Variants in BRDT observed in about 807,000 individuals in gnomAD.
BRDT encodes the protein bromodomain testis associated, also known as bromodomain testis-specific protein.
In BRDT, 77 loss-of-function variants were observed where a neutral mutation model predicts 113.9. The ratio of observed to expected loss-of-function variants is 0.68; its 90% CI spans 0.56 to 0.82. The LOEUF (loss-of-function observed/expected upper bound fraction) is 0.82. BRDT is among the 40% of genes least tolerant of loss of function. The pLI is 0.00. For missense variants in BRDT, 1,027 were observed against 1,105.4 expected (o/e 0.93, Z 1.01); for synonymous variants, 358 against 366.5 (o/e 0.98, Z 0.26).
Position 91,981,404 on chromosome 1 carries a change from T to TTGTATGTA in BRDT, c.1864+40_1864+47dup, listed in dbSNP as rs35241748. ...AATGTAGGTGGCAGTTTTTGTTTGT[T>TTGTATGTA]TGTATGTATGTATGTATGTATGTAG... On this transcript the variant is annotated intron_variant, in intron 11 of 18. Coordinates refer to ENST00000399546, the MANE Select transcript of BRDT (RefSeq NM_207189.4). The TTGTATGTA allele has an allele frequency of 2.7e-4, 397 of 1,490,866 alleles. 1 individual carries two copies. Among genetic ancestry groups the TTGTATGTA allele is most frequent in the African/African-American group, 8.2e-4 (60 of 72,968 alleles). 92.4% of individuals were successfully genotyped at this position (1,490,866 alleles called of 1,614,324 possible).
intron 4 of BRDT, among the ~76,000 whole-genome samples, chr1:91,971,108 G>C (rs1459178312): frequency 6.6e-6 from 1 of 151,952 alleles, no homozygotes; most frequent in African/African-American, 2.4e-5. Flanking sequence ...GGTGAGGTGG[G>C]GGTAGGGGAG....
chr1:91,952,746 C>T (rs1354016616), intron 1 of BRDT, among the ~76,000 whole-genome samples: 1 of 135,068 alleles, frequency 7.4e-6, no homozygotes, highest in East Asian at 2.3e-4. Context: ...GAGTTCAAGA[C>T]CAGCCTGGGT....
chr1:92,002,204 G>A, intron 16 of BRDT, 55 bp downstream of exon 16: 10 of 1,290,306 alleles, frequency 7.8e-6, no homozygotes, highest in African/African-American at 1.5e-5. Flanking sequence ...AATTGGGTTT[G>A]GAAGTGGTAC....
At chr1:91,955,177 T>C (rs1350754736) in intron 1 of BRDT, among the ~76,000 whole-genome samples, 2 of 152,104 alleles carry the variant, frequency 1.3e-5, no homozygotes, top group Non-Finnish European at 2.9e-5. Flanking sequence ...GAAAATTGTC[T>C]GGGTGCGGTG....
chr1:91,977,574 A>G (rs1006602054), intron 6 of BRDT, 181 bp downstream of exon 6: 7 of 529,684 alleles, frequency 1.3e-5, no homozygotes, highest in African/African-American at 1.2e-4. Context: ...CCACTTGAAC[A>G]TGTCCATGGT....
intron 2 of BRDT, among the ~76,000 whole-genome samples, chr1:91,963,671 T>C (rs1281887221): frequency 1.3e-5 from 2 of 152,170 alleles, no homozygotes; most frequent in African/African-American, 4.8e-5. Flanking sequence ...AACTCGAAGC[T>C]GGAATTTTAT....
chr1:91,986,897 G>T (rs975729121), intron 12 of BRDT, among the ~76,000 whole-genome samples: 4 of 151,828 alleles, frequency 2.6e-5, no homozygotes, highest in African/African-American at 7.2e-5. Flanking sequence ...AAAGCTAAAG[G>T]TACATGACTA....
In BRDT at chr1:91,980,703, A is replaced by G. The variant is rs1315379078; in HGVS notation, c.1348A>G (p.Lys450Glu). 1.2e-6 allele frequency: 2 copies of G among 1,605,952 alleles called. No homozygotes were observed. The highest frequency in any genetic ancestry group is 8.5e-7 in the Non-Finnish European group (1 of 1,178,350). Residue 450 changes from lysine (K) to glutamate (E), a missense_variant, in exon 9 of 19, where the codon AAA becomes GAA. Transcript: ENST00000399546. ...LSQVPFRKLNKKKEKSKKEKK... is the reference protein window; with the variant it reads ...LSQVPFRKLNEKKEKSKKEKK... Reference sequence around the variant, plus strand: ...CCAAGTACCTTTCCGTAAGCTAAATAAAAAGAAAGAGAAGTCTAAAAAGGA... The same window carrying G: ...CCAAGTACCTTTCCGTAAGCTAAATGAAAAGAAAGAGAAGTCTAAAAAGGA...
intron 1 of BRDT, chr1:91,949,905 G>T (rs1468497633): frequency 2.0e-5 from 3 of 152,224 alleles, no homozygotes; most frequent in Non-Finnish European, 4.4e-5. Flanking sequence ...CTTAGGTCTT[G>T]GACTGGTGTG....
chr1:92,004,320 T>TC (rs1687098766), intron 16 of BRDT, 94 bp from the exon 17 acceptor site: 2 of 768,656 alleles, frequency 2.6e-6, no homozygotes, highest in Admixed American at 2.8e-5. Flanking sequence ...AGAATCTTAA[T>TC]TAGATCTATT....
chr1:91,975,351 G>A (rs1052998280), intron 4 of BRDT, among the ~76,000 whole-genome samples: 12 of 152,260 alleles, frequency 7.9e-5, no homozygotes, highest in Non-Finnish European at 1.8e-4. Flanking sequence ...CAAGCAGATC[G>A]TACACATGCT....
Position 91,977,084 on chromosome 1 carries a change from T to C in BRDT, c.660T>C (p.Pro220=), listed in dbSNP as rs1684214216. The change falls in exon 6 of 19, where the codon CCT becomes CCC. Residue 220 remains proline (P), a synonymous_variant. Transcript: ENST00000399546. The part of the protein sequence containing the change: ...GVKRKADTTT[P]ATSAVKASSE... ...AGAGGAAAGCAGATACAACAACTCCTGCAACTTCAGCAGTTAAAGCAAGTA... is the reference window on the plus strand; with the variant it reads ...AGAGGAAAGCAGATACAACAACTCCCGCAACTTCAGCAGTTAAAGCAAGTA... 2.5e-6 allele frequency: 4 copies of C among 1,611,946 alleles called. No homozygotes were observed. In the South Asian group the frequency reaches 3.3e-5, roughly 13 times the overall value.
intron 18 of BRDT, among the ~76,000 whole-genome samples, chr1:92,008,222 TC>T (rs1456063770): frequency 6.6e-6 from 1 of 152,164 alleles, no homozygotes; most frequent in African/African-American, 2.4e-5. Context: ...CTGGCCCATT[TC>T]TTTGTTTAGA....
Position 91,976,444 on chromosome 1 carries a change from T to C in BRDT, c.618+6T>C. The C allele has an allele frequency of 2.0e-6, 3 of 1,526,832 alleles. No homozygotes were observed. The highest frequency in any genetic ancestry group is 1.8e-6 in the Non-Finnish European group (2 of 1,141,902). 94.6% of individuals were successfully genotyped at this position (1,526,832 alleles called of 1,614,324 possible). A position where few individuals can be genotyped will look rare whatever the true frequency, so the allele number is the denominator to read the frequency against. The stretch of plus-strand genomic sequence containing the variant: ...GTTCACAAACTGCGGCCCAAGTAAG[T>C]TTGTTGTAGTTTTTAAATCATTGCT... On this transcript the variant is annotated splice_donor_region_variant and intron_variant, in intron 5 of 18. Transcript: ENST00000399546.
chr1:92,014,002 A>G (rs970079903), intron 18 of BRDT, among the ~76,000 whole-genome samples: 18 of 152,188 alleles, frequency 1.2e-4, no homozygotes, highest in African/African-American at 3.6e-4. Flanking sequence ...TACATGAACA[A>G]TATATTAACA....
chr1:91,976,546 A>T, intron 5 of BRDT, 108 bp downstream of exon 5: 1 of 1,065,262 alleles, frequency 9.4e-7, no homozygotes. Context: ...TTTTTAATTC[A>T]TTTAGCATCT....
intron 8 of BRDT, among the ~76,000 whole-genome samples, chr1:91,980,420 G>C (rs1684606350): frequency 6.6e-6 from 1 of 152,152 alleles, no homozygotes; most frequent in East Asian, 1.9e-4. Flanking sequence ...GTTGGTAGTT[G>C]AATATTTAAG....
intron 4 of BRDT, among the ~76,000 whole-genome samples, chr1:91,970,215 C>T (rs539324147): frequency 3.3e-5 from 5 of 152,186 alleles, no homozygotes; most frequent in African/African-American, 7.2e-5. Context: ...CATTATGACA[C>T]GTGTCAGATG....
intron 14 of BRDT, among the ~76,000 whole-genome samples, chr1:91,993,323 T>A (rs777425950): frequency 2.0e-5 from 3 of 152,216 alleles, no homozygotes; most frequent in Non-Finnish European, 2.9e-5. Flanking sequence ...CATCTACAAC[T>A]CAGAGCTTAG....
Sources: gnomAD v4.1 joint callset for allele counts (sites outside exome capture counted in the v4.1 genomes callset) on GRCh38, gnomAD v4.1.1 for gene constraint, MANE v1.5 for transcripts, NCBI Gene and HGNC (gene_info 2026-07-23, HGNC 2026-07-21) for gene names.